The following FBXL4 variants were observed in gnomAD, a reference collection of about 807,000 sequenced individuals.
FBXL4 encodes F-box and leucine rich repeat protein 4.
In FBXL4, 40 loss-of-function variants were observed where a neutral mutation model predicts 58.9. The ratio of observed to expected loss-of-function variants is 0.68; its 90% CI spans 0.53 to 0.88. The LOEUF is 0.88. Among genes scored for constraint, FBXL4 ranks in the 40% least tolerant of loss-of-function variants. The probability of loss-of-function intolerance (pLI) is 0.00; values close to 1 mark genes in which losing one functional copy is unlikely to be tolerated. For missense variants in FBXL4, 676 were observed against 734.4 expected (o/e 0.92, Z 0.92); for synonymous variants, 263 against 265.5 (o/e 0.99, Z 0.09).
intron 2 of FBXL4, among the ~76,000 whole-genome samples, chr6:98,931,458 T>G (rs1562248365): frequency 6.6e-6 from 1 of 152,192 alleles, no homozygotes; most frequent in Non-Finnish European, 1.5e-5. Flanking sequence ...GATGCTTTAG[T>G]TTTTTTCAAC....
At chr6:98,945,206 C>T (rs1773576546) in intron 1 of FBXL4, among the ~76,000 whole-genome samples, 1 of 152,014 alleles carries the variant, frequency 6.6e-6, no homozygotes, top group South Asian at 2.1e-4. Flanking sequence ...AGAATAAACA[C>T]AAAAATGATC....
chr6:98,916,240 A>T (rs959366668), intron 5 of FBXL4, among the ~76,000 whole-genome samples: 1 of 152,114 alleles, frequency 6.6e-6, no homozygotes, highest in Admixed American at 6.5e-5. Flanking sequence ...TAGTTCAACC[A>T]TTGTGGAAGT....
chr6:98,909,763 C>T (rs987664373), intron 5 of FBXL4, among the ~76,000 whole-genome samples: 1 of 152,098 alleles, frequency 6.6e-6, no homozygotes, highest in African/African-American at 2.4e-5. Flanking sequence ...TTTCCTTCAT[C>T]TTTCCTCCCT....
At chr6:98,921,210 T>A (rs1772570519) in intron 4 of FBXL4, among the ~76,000 whole-genome samples, 1 of 152,102 alleles carries the variant, frequency 6.6e-6, no homozygotes, top group African/African-American at 2.4e-5. Flanking sequence ...CAAACCACTC[T>A]ATGACTGCTG....
At chr6:98,882,676 C>CCATT (rs1345985826) in intron 7 of FBXL4, among the ~76,000 whole-genome samples, 1 of 151,992 alleles carries the variant, frequency 6.6e-6, no homozygotes, top group African/African-American at 2.4e-5. Context: ...ATCCCTCCAT[C>CCATT]CATTCACGTA....
intron 7 of FBXL4, among the ~76,000 whole-genome samples, chr6:98,885,351 C>T (rs1056686323): frequency 4.6e-5 from 7 of 152,172 alleles, no homozygotes; most frequent in Non-Finnish European, 1.0e-4. Context: ...CCACCCACCT[C>T]GGCCTCCTAA....
intron 1 of FBXL4, among the ~76,000 whole-genome samples, chr6:98,936,920 TA>T (rs1773241859): frequency 6.6e-6 from 1 of 152,200 alleles, no homozygotes; most frequent in African/African-American, 2.4e-5. Flanking sequence ...GTGTTAAGAG[TA>T]GTTCAGTTCC....
chr6:98,937,396 T>C (rs1443745148), intron 1 of FBXL4, among the ~76,000 whole-genome samples: 2 of 152,198 alleles, frequency 1.3e-5, no homozygotes, highest in Non-Finnish European at 1.5e-5. Context: ...CATAAACAGT[T>C]GATTAACATA....
intron 1 of FBXL4, among the ~76,000 whole-genome samples, chr6:98,940,602 C>T (rs1410347666): frequency 6.6e-6 from 1 of 151,996 alleles, no homozygotes; most frequent in Admixed American, 6.6e-5. Context: ...TTCTTTAGTG[C>T]AGTGTCTATT....
rs565821494 is a variant in FBXL4, at chr6:98,873,996, T to C, written c.*282A>G. 2 of 224,544 alleles carry C rather than the reference T, an allele frequency of 8.9e-6. No individual in the cohort carries two copies. The highest frequency in any genetic ancestry group is 1.6e-4 in the South Asian group (1 of 6,258). 13.9% of individuals were successfully genotyped at this position (224,544 alleles called of 1,614,324 possible). On this transcript the variant is annotated 3_prime_UTR_variant, in exon 10 of 10. Transcript: ENST00000369244. ...TTGAAAATAAGTTAGCATGATTCCA[T>C]GTTATTCTTTTATCAATCATATTAT... is the stretch of plus-strand genomic sequence containing the variant.
chr6:98,919,648 C>T (rs947768249), intron 4 of FBXL4, among the ~76,000 whole-genome samples: 11 of 152,104 alleles, frequency 7.2e-5, no homozygotes, highest in East Asian at 1.9e-4. Context: ...GGGTTCCTAA[C>T]GAAGGAATTG....
At chr6:98,922,532 A>T (rs1404686405) in intron 4 of FBXL4, among the ~76,000 whole-genome samples, 1 of 152,228 alleles carries the variant, frequency 6.6e-6, no homozygotes, top group Non-Finnish European at 1.5e-5. Flanking sequence ...TTCCATCACT[A>T]AATGTGAGAA....
chr6:98,908,564 G>A (rs958264918), intron 5 of FBXL4, among the ~76,000 whole-genome samples: 7 of 152,120 alleles, frequency 4.6e-5, no homozygotes, highest in Admixed American at 3.3e-4. Context: ...TTTGATGCAA[G>A]TGGAGAATTG....
intron 7 of FBXL4, among the ~76,000 whole-genome samples, chr6:98,896,112 T>C (rs1186285469): frequency 6.6e-6 from 1 of 152,144 alleles, no homozygotes; most frequent in African/African-American, 2.4e-5. Context: ...GCAGAGGCAT[T>C]TGAAATCAAT....
intron 1 of FBXL4, among the ~76,000 whole-genome samples, chr6:98,942,196 C>G (rs1773458146): frequency 6.7e-6 from 1 of 150,164 alleles, no homozygotes; most frequent in African/African-American, 2.5e-5. Flanking sequence ...AAATGTATGC[C>G]AGTTAAAAAA....
chr6:98,925,363 G>T (rs1772739243), intron 4 of FBXL4, among the ~76,000 whole-genome samples: 1 of 151,968 alleles, frequency 6.6e-6, no homozygotes, highest in African/African-American at 2.4e-5. Context: ...AATTACAACT[G>T]TTAAAAATTA....
At position 98,898,723 on chromosome 6, in the gene FBXL4, AACATAC is replaced by A. The variant is rs1394332354; in HGVS notation, c.1317+539_1317+544del. 1.4e-5 allele frequency: 14 copies of A among 984,644 alleles called. No individual in the cohort carries two copies. In the African/African-American group the frequency reaches 2.1e-4, roughly 15 times the overall value. The allele number at this position is 984,644 out of a possible 1,614,324, so 61.0% of individuals were successfully genotyped here. ...GAGAATGTTAAATAGATTATGGTAT[AACATAC>A]ACTATTACAGTAAAAGAGTTAGATA... On this transcript the variant is annotated intron_variant, in intron 7 of 9. Coordinates refer to ENST00000369244, the MANE Select transcript of FBXL4 (RefSeq NM_001278716.2).
chr6:98,913,956 G>A (rs1187097671), intron 5 of FBXL4, among the ~76,000 whole-genome samples: 4 of 151,672 alleles, frequency 2.6e-5, no homozygotes, highest in Non-Finnish European at 5.9e-5. Flanking sequence ...AGAATCAAAC[G>A]GACTCAATAA....
chr6:98,875,537 C>A lies in FBXL4; in HGVS notation c.1580G>T (p.Arg527Ile), dbSNP rs748236641. The change falls in exon 9 of 10, where the codon AGA becomes ATA. Residue 527 changes from arginine to isoleucine, a missense_variant. By Grantham distance (97) the Arg-to-Ile change is moderately conservative. Coordinates refer to ENST00000369244, the MANE Select transcript of FBXL4 (RefSeq NM_001278716.2). ...TLQSSTGCFT[R>I]LAHQLPNLQK... ...CAAGTTTGGGAGCTGGTGTGCCAGTCTGGTGAAGCACCCGGTGCTGCTCTG... is the reference window on the plus strand; with the variant it reads ...CAAGTTTGGGAGCTGGTGTGCCAGTATGGTGAAGCACCCGGTGCTGCTCTG... 6 of 1,614,024 alleles carry A rather than the reference C, an allele frequency of 3.7e-6. No homozygotes were observed. The Admixed American group carries it at 8.3e-5, about 22-fold the overall frequency.
Sources: allele counts gnomAD v4.1 joint callset (sites outside exome capture counted in the v4.1 genomes callset), GRCh38; gene constraint gnomAD v4.1.1; transcripts MANE v1.5; gene names NCBI Gene and HGNC (gene_info 2026-07-23, HGNC 2026-07-21).